ROBO2: variants seen among roughly 807,000 people sequenced by gnomAD.
The protein encoded by ROBO2 is roundabout homolog 2.
ROBO2 carries 53 observed loss-of-function variants against 160.8 expected under a neutral mutation model. The ratio of observed to expected loss-of-function variants is 0.33; its 90% CI spans 0.26 to 0.41. The LOEUF is 0.41. Among genes scored for constraint, ROBO2 ranks in the 10% least tolerant of loss-of-function variants. The pLI is 1.00. For synonymous variants in ROBO2, 664 were observed against 611.7 expected (o/e 1.09, Z -1.26); for missense variants, 1,577 against 1,722.4 (o/e 0.92, Z 1.49).
At chr3:77,363,494 T>A (rs1233153509) in intron 2 of ROBO2, among the ~76,000 whole-genome samples, 1 of 152,140 alleles carries the variant, frequency 6.6e-6, no homozygotes, top group Non-Finnish European at 1.5e-5. Flanking sequence ...AACAAATTAA[T>A]CAAAGATTTA....
intron 2 of ROBO2, among the ~76,000 whole-genome samples, chr3:76,380,416 T>C (rs750422891): frequency 1.3e-5 from 2 of 152,132 alleles, no homozygotes; most frequent in South Asian, 4.1e-4. Context: ...AAGTAAGATA[T>C]ACACTTGACC....
At chr3:76,177,947 C>T (rs188941971) in intron 2 of ROBO2, among the ~76,000 whole-genome samples, 1 of 152,130 alleles carries the variant, frequency 6.6e-6, no homozygotes, top group South Asian at 2.1e-4. Flanking sequence ...CACATTTCTA[C>T]TTTGTTGTGC....
intron 2 of ROBO2, among the ~76,000 whole-genome samples, chr3:76,793,382 G>A (rs927337883): frequency 6.6e-6 from 1 of 151,800 alleles, no homozygotes; most frequent in Non-Finnish European, 1.5e-5. Flanking sequence ...CCTGAACGGC[G>A]TTAGCTTTGG....
At chr3:76,986,253 A>G (rs2060372439) in intron 2 of ROBO2, among the ~76,000 whole-genome samples, 1 of 152,278 alleles carries the variant, frequency 6.6e-6, no homozygotes, top group African/African-American at 2.4e-5. Context: ...AATCTAAGTT[A>G]CATAATGTAG....
At chr3:76,124,515 A>G (rs1273217987) in intron 2 of ROBO2, among the ~76,000 whole-genome samples, 2 of 152,106 alleles carry the variant, frequency 1.3e-5, no homozygotes, top group Non-Finnish European at 2.9e-5. Flanking sequence ...TACACACACC[A>G]GTTGACATAA....
chr3:76,598,145 C>A (rs1380093819), intron 2 of ROBO2, among the ~76,000 whole-genome samples: 2 of 150,922 alleles, frequency 1.3e-5, no homozygotes, highest in African/African-American at 2.4e-5. Flanking sequence ...CAGGAAATTA[C>A]ACTGAGTGAA....
At chr3:76,928,553 A>T (rs1239050905) in intron 2 of ROBO2, among the ~76,000 whole-genome samples, 1 of 152,122 alleles carries the variant, frequency 6.6e-6, no homozygotes, top group South Asian at 2.1e-4. Context: ...TTCTCATTCA[A>T]GATTCTCAGC....
chr3:75,907,175 T>C (rs1946383115), intron 1 of ROBO2, among the ~76,000 whole-genome samples: 1 of 152,142 alleles, frequency 6.6e-6, no homozygotes, highest in South Asian at 2.1e-4. Context: ...TTAGCTTAAG[T>C]GAATGGGGTT....
intron 6 of ROBO2, among the ~76,000 whole-genome samples, chr3:77,542,681 T>G (rs1260246785): frequency 6.6e-6 from 1 of 152,190 alleles, no homozygotes; most frequent in East Asian, 1.9e-4. Flanking sequence ...TGTTTTGATT[T>G]TGCAGAATTT....
intron 2 of ROBO2, among the ~76,000 whole-genome samples, chr3:77,445,568 A>T (rs2080389502): frequency 6.6e-6 from 1 of 152,072 alleles, no homozygotes; most frequent in African/African-American, 2.4e-5. Flanking sequence ...GACTCTTGAA[A>T]TTATAAATAA....
At chr3:77,010,331 C>G (rs1412296205) in intron 2 of ROBO2, among the ~76,000 whole-genome samples, 1 of 152,134 alleles carries the variant, frequency 6.6e-6, no homozygotes, top group East Asian at 1.9e-4. Flanking sequence ...AGTTTTATAA[C>G]CTGCTTTCTG....
chr3:77,580,013 G>A lies in ROBO2; in HGVS notation c.2395G>A (p.Val799Ile), dbSNP rs759802937. ...AACTGTGGATGCAGCCATTCGGTCC[G>A]TAATAATTGGTGGATTATTCCCAGG... is the stretch of plus-strand genomic sequence containing the variant. The change falls in exon 16 of 26, where the codon GTA becomes ATA. Residue 799 changes from valine (V) to isoleucine (I), a missense_variant. Val to Ile is a conservative substitution (Grantham distance 29, BLOSUM62 3). Transcript: ENST00000461745. 6.8e-5 allele frequency: 109 copies of A among 1,613,626 alleles called. No homozygotes were observed. The highest frequency in any genetic ancestry group is 8.3e-5 in the Non-Finnish European group (98 of 1,179,760).
chr3:76,332,398 A>AT (rs886212868), intron 2 of ROBO2, among the ~76,000 whole-genome samples: 1 of 152,148 alleles, frequency 6.6e-6, no homozygotes, highest in Non-Finnish European at 1.5e-5. Flanking sequence ...TGTCAATATA[A>AT]TTTCGTCAAA....
At position 76,038,652 on chromosome 3, in the gene ROBO2, C is replaced by G. The variant is rs141915135; in HGVS notation, c.109+101050C>G. ...TCTCTCCTTGTCCTACCATGCTTCT[C>G]TCTACTTTCCTAGCTATTGATCCCA... On this transcript the variant is annotated intron_variant, in intron 2 of 26. Transcript: ENST00000487694. Among the ~76,000 whole-genome samples, 57 of 152,074 alleles carry G rather than the reference C, an allele frequency of 3.7e-4. 2 individuals are homozygous for G. The highest frequency in any genetic ancestry group is 1.2e-3 in the African/African-American group (51 of 41,366).
At chr3:76,688,714 T>C (rs58139990) in intron 2 of ROBO2, among the ~76,000 whole-genome samples, 3,354 of 152,102 alleles carry the variant, frequency 0.022, 123 homozygotes, top group African/African-American at 0.076. Flanking sequence ...ATTATTTTCC[T>C]GTGAATGAGC....
At chr3:77,354,684 G>T (rs1451226531) in intron 2 of ROBO2, among the ~76,000 whole-genome samples, 2 of 151,994 alleles carry the variant, frequency 1.3e-5, no homozygotes, top group Non-Finnish European at 2.9e-5. Flanking sequence ...GTATTTTTTT[G>T]AATTATAACA....
intron 2 of ROBO2, among the ~76,000 whole-genome samples, chr3:77,007,596 G>A (rs1039324778): frequency 2.6e-5 from 4 of 152,082 alleles, no homozygotes; most frequent in African/African-American, 9.7e-5. Flanking sequence ...GTTTCTTAAA[G>A]GGATTTTTGT....
chr3:77,370,922 G>A lies in ROBO2; in HGVS notation c.389-106492G>A, dbSNP rs140626020. Among the ~76,000 whole-genome samples the A allele has an allele frequency of 1.1e-3, 175 of 152,252 alleles. 2 individuals are homozygous for A. The East Asian group carries it at 0.03, about 26-fold the overall frequency. ...AGATCTCTGCCCTAGATAGTCCAGG[G>A]AAATGAGCTGAAAGTTTCCATAAAA... On this transcript the variant is annotated intron_variant, in intron 2 of 25. Transcript: ENST00000461745.
At chr3:76,495,867 C>A (rs148043295) in intron 2 of ROBO2, among the ~76,000 whole-genome samples, 3 of 152,130 alleles carry the variant, frequency 2.0e-5, no homozygotes, top group Non-Finnish European at 4.4e-5. Flanking sequence ...TTTCTTACTA[C>A]AATGATGCAT....
Sources: allele counts gnomAD v4.1 joint callset (sites outside exome capture counted in the v4.1 genomes callset), GRCh38; gene constraint gnomAD v4.1.1; transcripts MANE v1.5; gene names NCBI Gene and HGNC (gene_info 2026-07-23, HGNC 2026-07-21).